The following AK5 variants were observed in gnomAD, a reference collection of about 807,000 sequenced individuals.
AK5 encodes the protein adenylate kinase 5.
Under a neutral mutation model 69.5 loss-of-function variants are expected in AK5, and 27 were observed. The ratio of observed to expected loss-of-function variants is 0.39; its 90% CI spans 0.29 to 0.54. The LOEUF is 0.54. AK5 is among the 20% of genes least tolerant of loss of function. AK5 has a pLI of 0.71. For missense variants in AK5, 531 were observed against 700.4 expected, an observed-to-expected ratio of 0.76 and a Z score of 2.73; for synonymous variants, 260 against 244.4, an observed-to-expected ratio of 1.06 and a Z score of -0.60.
intron 6 of AK5, among the ~76,000 whole-genome samples, chr1:77,368,919 C>T (rs1647068894): frequency 6.6e-6 from 1 of 152,070 alleles, no homozygotes. Flanking sequence ...ATAATATTTG[C>T]AGTTTATGTC....
intron 6 of AK5, among the ~76,000 whole-genome samples, chr1:77,408,997 A>G (rs1395612466): frequency 6.6e-6 from 1 of 152,198 alleles, no homozygotes; most frequent in Non-Finnish European, 1.5e-5. Flanking sequence ...CCCACTTACA[A>G]GTAAGGACAT....
At chr1:77,357,460 A>G (rs1445639505) in intron 6 of AK5, among the ~76,000 whole-genome samples, 1 of 151,350 alleles carries the variant, frequency 6.6e-6, no homozygotes, top group Non-Finnish European at 1.5e-5. Context: ...GTAATCTATA[A>G]TAGCATATAC....
intron 10 of AK5, among the ~76,000 whole-genome samples, chr1:77,515,867 A>G (rs142092979): frequency 3.3e-4 from 50 of 152,310 alleles, no homozygotes; most frequent in African/African-American, 1.2e-3. Context: ...CCTGGGCAAC[A>G]TAGCAAGAGA....
At chr1:77,354,098 T>C (rs1662365297) in intron 6 of AK5, among the ~76,000 whole-genome samples, 1 of 152,102 alleles carries the variant, frequency 6.6e-6, no homozygotes, top group East Asian at 1.9e-4. Context: ...CATTACCAAG[T>C]TCAGGATTGG....
At chr1:77,543,372 G>C (rs933152066) in intron 13 of AK5, among the ~76,000 whole-genome samples, 1 of 152,118 alleles carries the variant, frequency 6.6e-6, no homozygotes, top group Non-Finnish European at 1.5e-5. Context: ...TCTTCTTTCA[G>C]TTGGCTAAAG....
rs181022925 is a variant in AK5, at chr1:77,351,344, A to G, written c.891+10776A>G. Among the ~76,000 whole-genome samples the G allele has an allele frequency of 2.6e-4, 40 of 152,260 alleles. No homozygotes were observed. The East Asian group carries it at 7.2e-3, about 27-fold the overall frequency. ...CAGGAGATGGAGGTTGCAATGAGCCATGATTGCAGCACTGCACTCCAGCCT... is the reference window on the plus strand; with the variant it reads ...CAGGAGATGGAGGTTGCAATGAGCCGTGATTGCAGCACTGCACTCCAGCCT... On this transcript the variant is annotated intron_variant, in intron 6 of 13. Transcript: ENST00000354567.
Position 77,407,964 on chromosome 1 carries a change from A to T in AK5, c.892-3017A>T, listed in dbSNP as rs1486097804. 3.3e-5 allele frequency among the ~76,000 whole-genome samples: 5 copies of T among 152,238 alleles called. No homozygotes were observed. In the East Asian group the frequency reaches 9.6e-4, roughly 29 times the overall value. On this transcript the variant is annotated intron_variant, in intron 6 of 13. Coordinates refer to ENST00000354567, the MANE Select transcript of AK5 (RefSeq NM_174858.3). The stretch of plus-strand genomic sequence containing the variant: ...ATGTTGCTGCAAAGGACATGATTTC[A>T]TTCTTTTTTATGGCTGTGTCTTATT...
chr1:77,289,167 C>T (rs1469171455), intron 2 of AK5, among the ~76,000 whole-genome samples: 3 of 152,114 alleles, frequency 2.0e-5, no homozygotes, highest in Non-Finnish European at 4.4e-5. Context: ...GCCTGGTACA[C>T]GAGTAGCAAA....
intron 5 of AK5, among the ~76,000 whole-genome samples, chr1:77,326,545 G>A (rs984412404): frequency 4.0e-5 from 6 of 151,794 alleles, no homozygotes; most frequent in African/African-American, 1.5e-4. Flanking sequence ...CAGTAGGTTT[G>A]TGCATGAAGT....
intron 10 of AK5, among the ~76,000 whole-genome samples, chr1:77,504,313 A>G (rs2100270654): frequency 6.6e-6 from 1 of 152,340 alleles, no homozygotes; most frequent in Admixed American, 6.5e-5. Context: ...TTTACAAAAA[A>G]TAATACATCT....
intron 5 of AK5, among the ~76,000 whole-genome samples, chr1:77,326,387 T>A (rs1660806178): frequency 6.6e-6 from 1 of 152,006 alleles, no homozygotes; most frequent in African/African-American, 2.4e-5. Context: ...GCTACGTAAA[T>A]CAAAGTAACT....
chr1:77,531,850 G>T (rs1373198546), intron 12 of AK5, among the ~76,000 whole-genome samples: 2 of 151,026 alleles, frequency 1.3e-5, no homozygotes, highest in African/African-American at 4.8e-5. Flanking sequence ...AGACCAGGGG[G>T]AGGTGGGGGG....
At chr1:77,494,159 T>C (rs954314530) in intron 10 of AK5, among the ~76,000 whole-genome samples, 1 of 152,208 alleles carries the variant, frequency 6.6e-6, no homozygotes, top group African/African-American at 2.4e-5. Flanking sequence ...CTCATACTCA[T>C]TGTGTCCCTA....
In AK5 at chr1:77,286,026, T is replaced by C. The variant is rs369790315; in HGVS notation, c.61-915T>C. ...GTTTCAGTATAAATGACAAGTATGA[T>C]GTTTTATGCTGGATACCATGGGAAC... On this transcript the variant is annotated intron_variant, in intron 1 of 13. Coordinates refer to ENST00000354567, the MANE Select transcript of AK5 (RefSeq NM_174858.3). Among the ~76,000 whole-genome samples the C allele has an allele frequency of 2.0e-5, 3 of 152,300 alleles. 1 individual carries two copies.
At chr1:77,438,915 C>G (rs1340307022) in intron 8 of AK5, among the ~76,000 whole-genome samples, 1 of 152,126 alleles carries the variant, frequency 6.6e-6, no homozygotes, top group East Asian at 1.9e-4. Context: ...ATTAAGGTGG[C>G]CTTACAATCA....
intron 6 of AK5, among the ~76,000 whole-genome samples, chr1:77,347,712 A>G (rs1661984584): frequency 6.6e-6 from 1 of 152,226 alleles, no homozygotes; most frequent in African/African-American, 2.4e-5. Flanking sequence ...CGCATATAGC[A>G]AAGTATATCA....
chr1:77,394,497 C>A (rs1223124613), intron 6 of AK5, among the ~76,000 whole-genome samples: 1 of 152,158 alleles, frequency 6.6e-6, no homozygotes, highest in Admixed American at 6.5e-5. Flanking sequence ...CTCTATACAG[C>A]TCTGTGACAG....
intron 12 of AK5, chr1:77,531,972 C>CT (rs1224694626): frequency 2.1e-5 from 3 of 140,878 alleles, no homozygotes; most frequent in Non-Finnish European, 4.8e-5. Flanking sequence ...TGCTAAGCCC[C>CT]TCACTGCCTG....
intron 12 of AK5, among the ~76,000 whole-genome samples, chr1:77,533,828 C>A (rs1658807361): frequency 6.6e-6 from 1 of 152,168 alleles, no homozygotes. Context: ...TCATGCAACC[C>A]TAACCCAAAG....
Sources: allele counts gnomAD v4.1 joint callset (sites outside exome capture counted in the v4.1 genomes callset), GRCh38; gene constraint gnomAD v4.1.1; transcripts MANE v1.5; gene names NCBI Gene and HGNC (gene_info 2026-07-23, HGNC 2026-07-21).